Variants in TTN observed in about 807,000 individuals in gnomAD.
TTN encodes the protein titin, also known as connectin.
TTN carries 1,525 observed loss-of-function variants against 3,223.0 expected under a neutral mutation model. That is an observed-to-expected ratio of 0.47 (90% confidence interval 0.45 to 0.49). TTN has a LOEUF of 0.49. Among genes scored for constraint, TTN ranks in the 20% least tolerant of loss-of-function variants. The probability of loss-of-function intolerance (pLI) is 0.00; values close to 1 mark genes in which losing one functional copy is unlikely to be tolerated. For synonymous variants in TTN, 14,094 were observed against 15,161.0 expected, an observed-to-expected ratio of 0.93 and a Z score of 5.17; for missense variants, 40,786 against 43,424.0, an observed-to-expected ratio of 0.94 and a Z score of 5.40.
chr2:178,774,843 T>C (rs2092013622), intron 29 of TTN, 78 bp downstream of exon 29: 4 of 1,544,788 alleles, frequency 2.6e-6, no homozygotes, highest in Non-Finnish European at 2.7e-6. Context: ...GAAAGAAAAA[T>C]TGCATAGCTA....
At chr2:178,615,849 G>A in intron 257 of TTN, 61 bp from the exon 258 acceptor site, 3 of 1,531,294 alleles carry the variant, frequency 2.0e-6, no homozygotes, top group South Asian at 1.3e-5. Flanking sequence ...CAACCCAAAA[G>A]ATTTTTACCA....
At chr2:178,681,920 T>C (rs2069507789) in intron 135 of TTN, among the ~76,000 whole-genome samples, 182 bp from the exon 136 acceptor site, 1 of 151,976 alleles carries the variant, frequency 6.6e-6, no homozygotes, top group Admixed American at 6.6e-5. Flanking sequence ...CTTCTTGCTA[T>C]TTTCTTTAAT....
chr2:178,609,145 CTT>C (rs1244892538), intron 273 of TTN, 61 bp downstream of exon 273: 1 of 1,428,456 alleles, frequency 7.0e-7, no homozygotes, highest in Non-Finnish European at 9.1e-7. Context: ...CTCTCCCAAA[CTT>C]TTTATTTTTA....
intron 257 of TTN, 60 bp downstream of exon 257, chr2:178,616,419 C>A: frequency 6.3e-7 from 1 of 1,591,120 alleles, no homozygotes; most frequent in Non-Finnish European, 8.5e-7. Context: ...GGCATCCCAA[C>A]CTTCTGGGAT....
chr2:178,766,748 C>T (rs2090509777), intron 40 of TTN, 136 bp from the exon 41 acceptor site: 3 of 700,336 alleles, frequency 4.3e-6, no homozygotes, highest in African/African-American at 3.6e-5. Flanking sequence ...AATAAGTTGG[C>T]TGATTATAGC....
Position 178,670,267 on chromosome 2 carries a change from T to C in TTN, c.35337A>G (p.Val11779=). ...CTTCAGGAACACGTACTTTTTCTTC[T>C]ACCACAATTTTCTTAGGCACCTCCG... ...KVPEVPKKIV[V]EEKVRVPEEP... is the part of the protein sequence containing the mutation. Residue 11779 remains valine (V), a synonymous_variant, in exon 157 of 363, where the codon GTA becomes GTG. Transcript: ENST00000589042. 2 of 1,493,840 alleles carry C rather than the reference T, an allele frequency of 1.3e-6. No individual in the cohort carries two copies. Among genetic ancestry groups the C allele is most frequent in the East Asian group, 2.5e-5 (1 of 39,918 alleles). The allele number at this position is 1,493,840 out of a possible 1,614,324, so 92.5% of individuals were successfully genotyped here. A position where few individuals can be genotyped will look rare whatever the true frequency, so the allele number is the denominator to read the frequency against.
chr2:178,557,803 A>G lies in TTN; in HGVS notation c.87551T>C (p.Val29184Ala). ...AACTGTTGCAGACACTTCAGTCCAC[A>G]CTGCAGTACTTGTTTCTCTTTTGAG... ...ILLKRETSTA[V>A]WTEVSATVAR... The change falls in exon 328 of 363, where the codon GTG (valine) becomes GCG (alanine). Residue 29184 changes from valine to alanine, a missense_variant. Transcript: ENST00000589042. 6.2e-7 allele frequency: 1 copy of G among 1,613,944 alleles called. No individual in the cohort carries two copies. Among genetic ancestry groups the G allele is most frequent in the Non-Finnish European group, 8.5e-7 (1 of 1,179,844 alleles).
rs777934416 is a variant in TTN, at chr2:178,664,470, T to C, written c.36270A>G (p.Val12090=). The change falls in exon 168 of 363, where the codon GTA becomes GTG. Residue 12090 remains valine, a synonymous_variant. Coordinates refer to ENST00000589042, the MANE Select transcript of TTN (RefSeq NM_001267550.2). ...CAGTTAAGAATGTACCTTTGACAGG[T>C]ACAACTTCAGCCCTTTGGGGAGGAT... ...KVHPPQRAEV[V]PVKVHEAPKE... 1 of 1,611,354 alleles carries C rather than the reference T, an allele frequency of 6.2e-7. No homozygotes were observed.
Position 178,586,810 on chromosome 2 carries a change from A to G in TTN, c.64094-3T>C. 2 of 1,606,802 alleles carry G rather than the reference A, an allele frequency of 1.2e-6. No individual in the cohort carries two copies. Among genetic ancestry groups the G allele is most frequent in the African/African-American group, 1.3e-5 (1 of 74,186 alleles). On this transcript the variant is annotated splice_polypyrimidine_tract_variant and splice_region_variant and intron_variant, in intron 307 of 362. Transcript: ENST00000589042. ...TTTCCTTGGGGGATCCGGCTCACCTAGAAGAAAAACATAATTTAGAAGATT... is the reference window on the plus strand; with the variant it reads ...TTTCCTTGGGGGATCCGGCTCACCTGGAAGAAAAACATAATTTAGAAGATT...
In TTN at chr2:178,664,663, G is replaced by C; in HGVS notation, c.36193C>G (p.Pro12065Ala). The C allele has an allele frequency of 6.2e-7, 1 of 1,612,410 alleles. No homozygotes were observed. The highest frequency in any genetic ancestry group is 8.5e-7 in the Non-Finnish European group (1 of 1,179,650). ...VVPLRKPEVLPDEVPEALREV... is the reference protein window; with the variant it reads ...VVPLRKPEVLADEVPEALREV... ...TTCCAGCAAGATATACCTTCATCAG[G>C]AAGGACTTCAGGCTTTCTGAGAGGA... The change falls in exon 167 of 363, where the codon CCT becomes GCT. Residue 12065 changes from proline (P) to alanine (A), a missense_variant. Pro to Ala is a conservative substitution (Grantham distance 27). Coordinates refer to ENST00000589042, the MANE Select transcript of TTN (RefSeq NM_001267550.2).
In TTN at chr2:178,726,046, T is replaced by G; in HGVS notation, c.20276A>C (p.Glu6759Ala). Reference sequence around the variant, plus strand: ...AGGGAAGCTGCTAAAAACAGGTGGCTCTGCAAAAAACAAGAATTTCTCATG... The same window carrying G: ...AGGGAAGCTGCTAAAAACAGGTGGCGCTGCAAAAAACAAGAATTTCTCATG... The part of the protein sequence containing the change: ...TSCSTKVIVK[E>A]PPVFSSFPPI... The change falls in exon 70 of 363, where the codon GAG becomes GCG. Residue 6759 changes from glutamate (E) to alanine (A), a missense_variant and splice_region_variant. By Grantham distance (107) the Glu-to-Ala change is moderately radical. Transcript: ENST00000589042. 4.0e-6 allele frequency: 6 copies of G among 1,505,574 alleles called. No individual in the cohort carries two copies. The highest frequency in any genetic ancestry group is 5.3e-6 in the Non-Finnish European group (6 of 1,127,930). 93.3% of individuals were successfully genotyped at this position (1,505,574 alleles called of 1,614,324 possible).
chr2:178,796,687 G>A (rs1574948122), intron 6 of TTN, among the ~76,000 whole-genome samples: 1 of 152,128 alleles, frequency 6.6e-6, no homozygotes, highest in East Asian at 1.9e-4. Context: ...TTCACCCTGT[G>A]CCTTGTTCTT....
rs2091722955 is a variant in TTN at position 178,772,857 on chromosome 2, T to A, written c.7855+252A>T. 4 of 516,076 alleles carry A rather than the reference T, an allele frequency of 7.8e-6. No individual in the cohort carries two copies. The South Asian group carries it at 9.7e-5, about 12-fold the overall frequency. The allele number at this position is 516,076 out of a possible 1,614,324, so 32.0% of individuals were successfully genotyped here. On this transcript the variant is annotated intron_variant, in intron 33 of 362. Transcript: ENST00000589042. The stretch of plus-strand genomic sequence containing the variant: ...CATATAAAGTGATCCTGGGGTTGGA[T>A]GAGGAAGAGATCATATACAAATGGA...
Position 178,526,739 on chromosome 2 carries a change from T to C in TTN, c.*273A>G, listed in dbSNP as rs1297170114. ...TCCTACCAACAGTTAGTTTCAAAAC[T>C]TACATTGTAAAATGTCATAAAATAA... On this transcript the variant is annotated 3_prime_UTR_variant, in exon 363 of 363. Coordinates refer to ENST00000589042, the MANE Select transcript of TTN (RefSeq NM_001267550.2). 3.7e-6 allele frequency: 1 copy of C among 273,250 alleles called. No individual in the cohort carries two copies. The highest frequency in any genetic ancestry group is 2.2e-5 in the African/African-American group (1 of 45,652). The allele number at this position is 273,250 out of a possible 1,614,324, so 16.9% of individuals were successfully genotyped here.
chr2:178,578,189 C>A lies in TTN; in HGVS notation c.68330-4G>T. The stretch of plus-strand genomic sequence containing the variant: ...TCCTTGAACTCGAGATGATACCCTA[C>A]AAAAGACCCAGGGATGTATCAAGTA... On this transcript the variant is annotated splice_polypyrimidine_tract_variant and splice_region_variant and intron_variant, in intron 321 of 362. Coordinates refer to ENST00000589042, the MANE Select transcript of TTN (RefSeq NM_001267550.2). 1 of 1,609,372 alleles carries A rather than the reference C, an allele frequency of 6.2e-7. No individual in the cohort carries two copies. Among genetic ancestry groups the A allele is most frequent in the African/African-American group, 1.3e-5 (1 of 74,862 alleles).
In TTN at chr2:178,548,793, G is replaced by A; in HGVS notation, c.92833C>T (p.Leu30945Phe). The change falls in exon 339 of 363, where the codon CTC (leucine) becomes TTC (phenylalanine). Residue 30945 changes from leucine (L) to phenylalanine (F), a missense_variant. Coordinates refer to ENST00000589042, the MANE Select transcript of TTN (RefSeq NM_001267550.2). The surrounding 1 kb of genome is among the most constrained non-coding windows in gnomAD (Gnocchi z 4.3). ...HVVRAGASIR[L>F]FIAYQGRPTP... ...GGTCTACCTTGGTAGGCAATGAAGA[G>A]GCGAATACTGGCCCCAGCTCTAACA... is the stretch of plus-strand genomic sequence containing the variant. 3 of 1,612,746 alleles carry A rather than the reference G, an allele frequency of 1.9e-6. No homozygotes were observed. Among genetic ancestry groups the A allele is most frequent in the South Asian group, 1.1e-5 (1 of 91,086 alleles).
rs767016969 is a variant in TTN, at chr2:178,574,992, C to T, written c.71140G>A (p.Glu23714Lys). ...YPLTARNIVG[E>K]VGDVITIQVH... ...TGAATGGTGATGACATCACCAACCT[C>T]TCCTACAATGTTCCTTGCTGTTAAT... The change falls in exon 326 of 363, where the codon GAG (glutamate) becomes AAG (lysine). Residue 23714 changes from glutamate to lysine, a missense_variant. Coordinates refer to ENST00000589042, the MANE Select transcript of TTN (RefSeq NM_001267550.2). 10 of 1,613,368 alleles carry T rather than the reference C, an allele frequency of 6.2e-6. No individual in the cohort carries two copies. Among genetic ancestry groups the T allele is most frequent in the Admixed American group, 1.7e-5 (1 of 59,984 alleles).
At chr2:178,758,542 T>C (rs2087997954) in intron 44 of TTN, among the ~76,000 whole-genome samples, 1 of 152,230 alleles carries the variant, frequency 6.6e-6, no homozygotes, top group South Asian at 2.1e-4. Flanking sequence ...AGCTCGCTGG[T>C]GTACAGACCT....
chr2:178,749,944 A>G (rs1432585693), intron 47 of TTN: 1 of 1,613,226 alleles, frequency 6.2e-7, no homozygotes, highest in Non-Finnish European at 8.5e-7. Context: ...CATTAGTAAT[A>G]TCAGACAAAA....
Sources: gnomAD v4.1 joint callset for allele counts (sites outside exome capture counted in the v4.1 genomes callset) on GRCh38, gnomAD v4.1.1 for gene constraint, Gnocchi (gnomAD v3.1) non-coding constraint, MANE v1.5 for transcripts, NCBI Gene and HGNC (gene_info 2026-07-23, HGNC 2026-07-21) for gene names.